GNAI1: variants seen among roughly 807,000 people sequenced by gnomAD.
The protein encoded by GNAI1 is G protein subunit alpha i1.
Under a neutral mutation model 38.9 loss-of-function variants are expected in GNAI1, and 11 were observed. That is an observed-to-expected ratio of 0.28 (90% confidence interval 0.18 to 0.47). The LOEUF is 0.47. Among genes scored for constraint, GNAI1 ranks in the 20% least tolerant of loss-of-function variants. The pLI is 0.99. For synonymous variants in GNAI1, 166 were observed against 145.1 expected, an observed-to-expected ratio of 1.14 and a Z score of -1.04; for missense variants, 317 against 436.9, an observed-to-expected ratio of 0.73 and a Z score of 2.45.
intron 1 of GNAI1, among the ~76,000 whole-genome samples, chr7:80,137,307 C>CTTTTTTT (rs1787435379): frequency 1.6e-5 from 1 of 61,200 alleles, no homozygotes; most frequent in African/African-American, 5.3e-5. Flanking sequence ...TTTTTTTTTT[C>CTTTTTTT]TTTTCTTTTC....
chr7:80,159,403 C>CA (rs1787878677), intron 1 of GNAI1, among the ~76,000 whole-genome samples: 2 of 152,200 alleles, frequency 1.3e-5, no homozygotes, highest in African/African-American at 4.8e-5. Flanking sequence ...TCTAGGTGAG[C>CA]ACATCTAAAG....
At chr7:80,213,842 G>A (rs1034360511) in intron 7 of GNAI1, among the ~76,000 whole-genome samples, 26 of 148,090 alleles carry the variant, frequency 1.8e-4, no homozygotes, top group Non-Finnish European at 3.4e-4. Context: ...CACTCTTCCT[G>A]TTTTTTTTTT....
At chr7:80,137,306 T>C (rs1398265271) in intron 1 of GNAI1, among the ~76,000 whole-genome samples, 1 of 105,846 alleles carries the variant, frequency 9.4e-6, no homozygotes, top group African/African-American at 3.4e-5. Context: ...TTTTTTTTTT[T>C]CTTTTCTTTT....
At chr7:80,152,558 CTTTTTTTTTTT>C (rs35141470) in intron 1 of GNAI1, among the ~76,000 whole-genome samples, 25 of 103,006 alleles carry the variant, frequency 2.4e-4, no homozygotes, top group Non-Finnish European at 3.5e-4. Flanking sequence ...GGTCTCAATT[CTTTTTTTTTTT>C]TTTTTTTTTT....
At chr7:80,137,302 T>TTTTCTTTTC (rs1554345706) in intron 1 of GNAI1, among the ~76,000 whole-genome samples, 1 of 60,340 alleles carries the variant, frequency 1.7e-5, no homozygotes, top group Non-Finnish European at 4.0e-5. Context: ...TCTTTTTTTT[T>TTTTCTTTTC]TTTTCTTTTC....
chr7:80,181,131 T>C (rs1347529824), intron 1 of GNAI1, among the ~76,000 whole-genome samples: 1 of 152,086 alleles, frequency 6.6e-6, no homozygotes, highest in Non-Finnish European at 1.5e-5. Context: ...CATGTATATA[T>C]CTTATATTGT....
At chr7:80,146,631 G>A (rs527570593) in intron 1 of GNAI1, among the ~76,000 whole-genome samples, 2 of 152,080 alleles carry the variant, frequency 1.3e-5, no homozygotes, top group African/African-American at 2.4e-5. Flanking sequence ...GGTCTGGGGT[G>A]GGGCCTGAGA....
chr7:80,163,905 T>C (rs1418698408), intron 1 of GNAI1, among the ~76,000 whole-genome samples: 1 of 151,866 alleles, frequency 6.6e-6, no homozygotes, highest in Admixed American at 6.6e-5. Flanking sequence ...TCTAATAGTC[T>C]TATCAAAACA....
chr7:80,147,019 C>T (rs781156683), intron 1 of GNAI1, among the ~76,000 whole-genome samples: 51 of 152,206 alleles, frequency 3.4e-4, no homozygotes, highest in Admixed American at 1.1e-3. Flanking sequence ...TGGAAACATC[C>T]GCTTCCTTAG....
At chr7:80,146,291 A>T (rs1584005659) in intron 1 of GNAI1, among the ~76,000 whole-genome samples, 1 of 152,162 alleles carries the variant, frequency 6.6e-6, no homozygotes, top group Non-Finnish European at 1.5e-5. Flanking sequence ...AGGCTCTGCC[A>T]TGGGATGCCT....
intron 1 of GNAI1, among the ~76,000 whole-genome samples, chr7:80,168,546 C>G (rs944361564): frequency 1.3e-5 from 2 of 152,136 alleles, no homozygotes; most frequent in African/African-American, 4.8e-5. Flanking sequence ...CGCCACCACG[C>G]CCGGCTAATT....
At chr7:80,166,715 C>T (rs1788015239) in intron 1 of GNAI1, among the ~76,000 whole-genome samples, 1 of 152,112 alleles carries the variant, frequency 6.6e-6, no homozygotes, top group Non-Finnish European at 1.5e-5. Flanking sequence ...TATAAAGTTA[C>T]TTTCAGTTTG....
At chr7:80,143,015 C>T (rs1489506426) in intron 1 of GNAI1, among the ~76,000 whole-genome samples, 1 of 152,160 alleles carries the variant, frequency 6.6e-6, no homozygotes, top group Non-Finnish European at 1.5e-5. Flanking sequence ...CTATATATTT[C>T]ACACAGGATG....
Position 80,224,742 on chromosome 7 carries a change from G to A in GNAI1, c.*7249G>A, listed in dbSNP as rs1789131849. On this transcript the variant is annotated 3_prime_UTR_variant, in exon 8 of 8. Coordinates refer to ENST00000649796, the MANE Select transcript of GNAI1 (RefSeq NM_002069.6). ...GCCACTACCCAGGTGTGAATGCAGA[G>A]CACTTAAAACGTAGCTAGTCCAAAG... Among the ~76,000 whole-genome samples the A allele has an allele frequency of 6.6e-6, 1 of 152,200 alleles. No homozygotes were observed. The highest frequency in any genetic ancestry group is 2.4e-5 in the African/African-American group (1 of 41,446).
intron 1 of GNAI1, chr7:80,135,648 A>ACCCCCCCCCCCCCC (rs1283561599): frequency 2.6e-5 from 1 of 38,294 alleles, no homozygotes; most frequent in African/African-American, 1.2e-4. Flanking sequence ...AAATGAAAAC[A>ACCCCCCCCCCCCCC]CCCCCCCCCC....
chr7:80,198,248 T>A (rs1161249126), intron 3 of GNAI1, among the ~76,000 whole-genome samples: 2 of 152,024 alleles, frequency 1.3e-5, no homozygotes, highest in East Asian at 3.9e-4. Context: ...TATGAAAAAA[T>A]ATGAAATATA....
At chr7:80,197,379 A>C (rs1788597106) in intron 3 of GNAI1, among the ~76,000 whole-genome samples, 1 of 151,936 alleles carries the variant, frequency 6.6e-6, no homozygotes, top group African/African-American at 2.4e-5. Context: ...ATTCCTGGAA[A>C]GTTTGAGAAG....
chr7:80,158,541 C>T (rs1246861735), intron 1 of GNAI1, among the ~76,000 whole-genome samples: 2 of 152,036 alleles, frequency 1.3e-5, no homozygotes, highest in African/African-American at 4.8e-5. Context: ...TTATAAGGGG[C>T]CTTTCCCCCT....
chr7:80,157,560 A>G (rs1004633340), intron 1 of GNAI1, among the ~76,000 whole-genome samples: 17 of 152,198 alleles, frequency 1.1e-4, no homozygotes, highest in East Asian at 3.9e-4. Context: ...GCACTTGCCA[A>G]TGAGTGAGAG....
Sources: allele counts gnomAD v4.1 joint callset (sites outside exome capture counted in the v4.1 genomes callset), GRCh38; gene constraint gnomAD v4.1.1; transcripts MANE v1.5; gene names NCBI Gene and HGNC (gene_info 2026-07-23, HGNC 2026-07-21).